The following BEND7 variants were observed in gnomAD, a reference collection of about 807,000 sequenced individuals.
BEND7 encodes BEN domain-containing protein 7.
In BEND7, 28 loss-of-function variants were observed where a neutral mutation model predicts 50.9. The observed-to-expected ratio is 0.55, with a 90% CI of 0.41 to 0.75. The LOEUF is 0.75. Ranked by LOEUF, BEND7 falls within the 30% of genes least tolerant of loss-of-function variation. The pLI, the probability that BEND7 is intolerant of heterozygous loss-of-function variation, is 0.00. For synonymous variants in BEND7, 170 were observed against 183.9 expected, an observed-to-expected ratio of 0.92 and a Z score of 0.61; for missense variants, 477 against 491.3, an observed-to-expected ratio of 0.97 and a Z score of 0.28.
chr10:13,441,560 A>C lies in BEND7; in HGVS notation c.*183T>G, dbSNP rs80157634. 4 of 1,444,394 alleles carry C rather than the reference A, an allele frequency of 2.8e-6. No individual in the cohort carries two copies. In the African/African-American group the frequency reaches 5.7e-5, roughly 21 times the overall value. The allele number at this position is 1,444,394 out of a possible 1,614,324, so 89.5% of individuals were successfully genotyped here. A position where few individuals can be genotyped will look rare whatever the true frequency, so the allele number is the denominator to read the frequency against. ...AGGTTCCCAGCAGATCTCTTAACAG[A>C]CCACAGTTGGAAGTTAGCGTTTCTG... is the stretch of plus-strand genomic sequence containing the variant. On this transcript the variant is annotated 3_prime_UTR_variant, in exon 9 of 9. Transcript: ENST00000466271.
intron 6 of BEND7, among the ~76,000 whole-genome samples, chr10:13,455,162 ACT>A (rs1195873633): frequency 6.6e-6 from 1 of 152,124 alleles, no homozygotes; most frequent in Non-Finnish European, 1.5e-5. Context: ...ACAGAGCAAG[ACT>A]CTGACTCAAA....
intron 7 of BEND7, among the ~76,000 whole-genome samples, chr10:13,451,097 C>T (rs886447995): frequency 6.6e-6 from 1 of 151,984 alleles, no homozygotes. Context: ...GGCAGCAGAA[C>T]ATTTACACTG....
chr10:13,476,141 A>G (rs1418981304), intron 6 of BEND7, among the ~76,000 whole-genome samples: 1 of 152,206 alleles, frequency 6.6e-6, no homozygotes, highest in Admixed American at 6.5e-5. Context: ...ATACTATAAG[A>G]TGACAAATAT....
intron 2 of BEND7, chr10:13,500,490 C>T (rs1041560327): frequency 1.0e-6 from 1 of 997,924 alleles, no homozygotes; most frequent in African/African-American, 1.7e-5. Flanking sequence ...ATGGGCAGGT[C>T]ACTAAAGCGC....
In BEND7 at chr10:13,510,404, C is replaced by G. The variant is rs1169243854; in HGVS notation, c.146-10324G>C. 2.6e-5 allele frequency among the ~76,000 whole-genome samples: 4 copies of G among 152,100 alleles called. 1 individual carries two copies. In the East Asian group the frequency reaches 7.7e-4, roughly 29 times the overall value. On this transcript the variant is annotated intron_variant, in intron 2 of 8. Transcript: ENST00000466271. ...CTTTTTGGGGCAGAATATGGGAATT[C>G]CACTTACCAAAATTTATGCTACAGA... is the stretch of plus-strand genomic sequence containing the variant.
chr10:13,527,134 C>T (rs1023123403), intron 1 of BEND7, among the ~76,000 whole-genome samples: 3 of 152,204 alleles, frequency 2.0e-5, no homozygotes, highest in African/African-American at 7.2e-5. Flanking sequence ...AAGCAGCTTA[C>T]ATTCCTGAAT....
At chr10:13,496,457 C>T (rs1588949470) in intron 4 of BEND7, among the ~76,000 whole-genome samples, 1 of 152,332 alleles carries the variant, frequency 6.6e-6, no homozygotes, top group Non-Finnish European at 1.5e-5. Flanking sequence ...CTAAAGGACC[C>T]CTCCATACAC....
intron 5 of BEND7, among the ~76,000 whole-genome samples, chr10:13,488,023 G>T (rs924744187): frequency 6.7e-6 from 1 of 149,714 alleles, no homozygotes; most frequent in African/African-American, 2.5e-5. Context: ...AACCCTGGAG[G>T]TGAGCCAAGA....
At chr10:13,445,273 A>G (rs1229973383) in intron 8 of BEND7, 11 of 152,222 alleles carry the variant, frequency 7.2e-5, no homozygotes, top group Admixed American at 7.2e-4. Flanking sequence ...GTTTGAGAAA[A>G]GACTGGAAGA....
Position 13,528,682 on chromosome 10 carries a change from C to T in BEND7, c.-149G>A, listed in dbSNP as rs1452500530. ...GCGCCTGGAGTCGGCGAGGGGAGGC[C>T]GCGGGACGGGAGGAACCACCGCGAG... On this transcript the variant is annotated 5_prime_UTR_variant, in exon 1 of 9. Transcript: ENST00000466271. 2.6e-5 allele frequency: 6 copies of T among 228,382 alleles called. No individual in the cohort carries two copies. The highest frequency in any genetic ancestry group is 1.4e-4 in the Admixed American group (2 of 14,812). 14.1% of individuals were successfully genotyped at this position (228,382 alleles called of 1,614,324 possible).
chr10:13,466,002 T>C (rs1010594333), intron 6 of BEND7, among the ~76,000 whole-genome samples: 2 of 152,148 alleles, frequency 1.3e-5, no homozygotes, highest in African/African-American at 4.8e-5. Context: ...AAAGTGCTGA[T>C]AGTGGTTTCT....
At chr10:13,474,558 C>A (rs912658753) in intron 6 of BEND7, among the ~76,000 whole-genome samples, 28 of 151,076 alleles carry the variant, frequency 1.9e-4, no homozygotes, top group African/African-American at 5.3e-4. Flanking sequence ...CGGGTTGATA[C>A]CCGTCACCGC....
chr10:13,512,431 G>T (rs2226030), intron 2 of BEND7, among the ~76,000 whole-genome samples: 1 of 152,218 alleles, frequency 6.6e-6, no homozygotes, highest in African/African-American at 2.4e-5. Flanking sequence ...AGGAAAAATA[G>T]AACAAGACTG....
intron 7 of BEND7, among the ~76,000 whole-genome samples, chr10:13,451,038 T>C (rs947877689): frequency 1.8e-4 from 27 of 151,850 alleles, no homozygotes; most frequent in Admixed American, 1.1e-3. Context: ...CATCTGACAA[T>C]AGAAGGAAAC....
At chr10:13,485,697 G>A (rs139029059) in intron 5 of BEND7, among the ~76,000 whole-genome samples, 59 of 152,220 alleles carry the variant, frequency 3.9e-4, no homozygotes, top group African/African-American at 1.4e-3. Flanking sequence ...GATGTATTTT[G>A]AGGAAAATGT....
At chr10:13,509,670 G>C (rs1403442420) in intron 2 of BEND7, among the ~76,000 whole-genome samples, 1 of 152,204 alleles carries the variant, frequency 6.6e-6, no homozygotes, top group Non-Finnish European at 1.5e-5. Flanking sequence ...AACAACACCA[G>C]CATTTCCACG....
At chr10:13,517,971 A>G (rs776965701) in intron 2 of BEND7, among the ~76,000 whole-genome samples, 2 of 152,162 alleles carry the variant, frequency 1.3e-5, no homozygotes, top group Admixed American at 6.5e-5. Context: ...TCCCAGGTCT[A>G]TTTTTAACTA....
At chr10:13,472,583 G>C (rs1344093531) in intron 6 of BEND7, among the ~76,000 whole-genome samples, 1 of 151,986 alleles carries the variant, frequency 6.6e-6, no homozygotes, top group East Asian at 1.9e-4. Flanking sequence ...GTTAGATTTG[G>C]GGTTGATACC....
chr10:13,516,738 A>G (rs1031106487), intron 2 of BEND7, among the ~76,000 whole-genome samples: 2 of 152,138 alleles, frequency 1.3e-5, no homozygotes, highest in Admixed American at 6.5e-5. Context: ...GGAAAAAAAA[A>G]TTATTTAACA....
Sources: allele counts gnomAD v4.1 joint callset (sites outside exome capture counted in the v4.1 genomes callset), GRCh38; gene constraint gnomAD v4.1.1; transcripts MANE v1.5; gene names NCBI Gene and HGNC (gene_info 2026-07-23, HGNC 2026-07-21).